The following CREB5 variants were observed in gnomAD, a reference collection of about 807,000 sequenced individuals.
CREB5 encodes cAMP responsive element binding protein 5, also known as cyclic AMP-responsive element-binding protein 5.
In CREB5, 19 loss-of-function variants were observed where a neutral mutation model predicts 57.1. The observed-to-expected ratio is 0.33, with a 90% CI of 0.23 to 0.49. The LOEUF is 0.49. Ranked by LOEUF, CREB5 falls within the 20% of genes least tolerant of loss-of-function variation. CREB5 has a pLI of 0.99. For missense variants in CREB5, 579 were observed against 671.6 expected (o/e 0.86, Z 1.52); for synonymous variants, 238 against 238.3 (o/e 1.00, Z 0.01).
At chr7:28,441,771 T>C (rs1243902616) in intron 1 of CREB5, among the ~76,000 whole-genome samples, 1 of 152,190 alleles carries the variant, frequency 6.6e-6, no homozygotes, top group African/African-American at 2.4e-5. Context: ...TTATAGTTTA[T>C]GGGTAGAAAA....
intron 6 of CREB5, 24 bp downstream of exon 6, chr7:28,718,903 A>G (rs117306745): frequency 1.2e-6 from 2 of 1,613,686 alleles, no homozygotes; most frequent in African/African-American, 2.7e-5. Flanking sequence ...TGTGTCTCAC[A>G]ATAGCTTGTC....
At chr7:28,424,307 G>C (rs898098296) in intron 1 of CREB5, among the ~76,000 whole-genome samples, 1 of 152,198 alleles carries the variant, frequency 6.6e-6, no homozygotes, top group East Asian at 1.9e-4. Context: ...CACTACAGCA[G>C]GTGTGTCCAG....
intron 1 of CREB5, among the ~76,000 whole-genome samples, chr7:28,427,811 T>C (rs1788567627): frequency 6.6e-6 from 1 of 152,116 alleles, no homozygotes; most frequent in Non-Finnish European, 1.5e-5. Context: ...TATAATATTA[T>C]ACAAAAGGAC....
At chr7:28,425,108 T>C (rs575915191) in intron 1 of CREB5, among the ~76,000 whole-genome samples, 1 of 152,252 alleles carries the variant, frequency 6.6e-6, no homozygotes, top group South Asian at 2.1e-4. Context: ...AAAGAAAATA[T>C]ACAAATGGCC....
At chr7:28,471,382 T>G (rs529757219) in intron 1 of CREB5, among the ~76,000 whole-genome samples, 19 of 152,312 alleles carry the variant, frequency 1.2e-4, no homozygotes, top group African/African-American at 4.6e-4. Flanking sequence ...GAGTTCACTG[T>G]ACATGTGTGG....
At chr7:28,775,170 G>A (rs573337879) in intron 7 of CREB5, among the ~76,000 whole-genome samples, 2 of 152,196 alleles carry the variant, frequency 1.3e-5, no homozygotes, top group African/African-American at 4.8e-5. Flanking sequence ...GGTCCCTAAT[G>A]CTAAAACCTT....
At chr7:28,477,369 T>C (rs906807323) in intron 1 of CREB5, among the ~76,000 whole-genome samples, 1 of 152,130 alleles carries the variant, frequency 6.6e-6, no homozygotes, top group Non-Finnish European at 1.5e-5. Context: ...CTTTTTTCTT[T>C]CCCTTTCAGA....
At chr7:28,760,113 A>T (rs1236007409) in intron 7 of CREB5, among the ~76,000 whole-genome samples, 1 of 152,244 alleles carries the variant, frequency 6.6e-6, no homozygotes, top group Non-Finnish European at 1.5e-5. Flanking sequence ...CATGTTTTGA[A>T]CAATAGAAAT....
chr7:28,352,993 T>C (rs1168567534), intron 1 of CREB5, among the ~76,000 whole-genome samples: 1 of 152,234 alleles, frequency 6.6e-6, no homozygotes, highest in Non-Finnish European at 1.5e-5. Flanking sequence ...CTGGAGTCAG[T>C]TGAAGTGAAA....
chr7:28,595,026 T>G (rs1191142982), intron 5 of CREB5, among the ~76,000 whole-genome samples: 2 of 152,174 alleles, frequency 1.3e-5, no homozygotes, highest in Admixed American at 1.3e-4. Flanking sequence ...TCATTGAATA[T>G]TTGTTGAGCC....
chr7:28,322,515 G>T (rs1785511198), intron 1 of CREB5, among the ~76,000 whole-genome samples: 1 of 152,062 alleles, frequency 6.6e-6, no homozygotes. Flanking sequence ...TGCCATGGTG[G>T]TTTGTTGCAC....
chr7:28,589,247 T>C (rs1244078175), intron 5 of CREB5, among the ~76,000 whole-genome samples: 1 of 152,158 alleles, frequency 6.6e-6, no homozygotes, highest in Non-Finnish European at 1.5e-5. Flanking sequence ...CTTCAGCATA[T>C]GTATCATTAA....
intron 7 of CREB5, among the ~76,000 whole-genome samples, chr7:28,735,230 C>T (rs1803907070): frequency 6.6e-6 from 1 of 152,034 alleles, no homozygotes; most frequent in Admixed American, 6.6e-5. Flanking sequence ...TATAGTTATA[C>T]AACTTATGTG....
At chr7:28,621,782 T>C (rs1485342959) in intron 5 of CREB5, among the ~76,000 whole-genome samples, 1 of 152,140 alleles carries the variant, frequency 6.6e-6, no homozygotes, top group Non-Finnish European at 1.5e-5. Context: ...GATGATGTCG[T>C]CATACCAAGC....
chr7:28,417,353 C>CT (rs11433698), intron 1 of CREB5, among the ~76,000 whole-genome samples: 38,629 of 144,922 alleles, frequency 0.27, 5,335 homozygotes, highest in Middle Eastern at 0.36. Context: ...CTTTCTCTCT[C>CT]TTTTTTTTTT....
intron 1 of CREB5, among the ~76,000 whole-genome samples, chr7:28,306,715 T>A (rs1212535701): frequency 6.6e-6 from 1 of 151,586 alleles, no homozygotes. Context: ...CGCCCGCCAC[T>A]ATGCCCGGCT....
chr7:28,690,109 A>G (rs189310798), intron 5 of CREB5, among the ~76,000 whole-genome samples: 36 of 152,284 alleles, frequency 2.4e-4, no homozygotes, highest in South Asian at 1.7e-3. Context: ...CTTGCCTGTC[A>G]GTGGAAGTCA....
intron 6 of CREB5, among the ~76,000 whole-genome samples, chr7:28,720,698 A>C (rs1802982427): frequency 6.6e-6 from 1 of 152,010 alleles, no homozygotes; most frequent in South Asian, 2.1e-4. Flanking sequence ...CTCTCCTTAG[A>C]CCCCTTTACA....
chr7:28,614,248 T>C (rs1230836231), intron 5 of CREB5, among the ~76,000 whole-genome samples: 2 of 152,222 alleles, frequency 1.3e-5, no homozygotes, highest in African/African-American at 4.8e-5. Flanking sequence ...TGTGAGCCAC[T>C]GTACCCAGGC....
Sources: allele counts gnomAD v4.1 joint callset (sites outside exome capture counted in the v4.1 genomes callset), GRCh38; gene constraint gnomAD v4.1.1; transcripts MANE v1.5; gene names NCBI Gene and HGNC (gene_info 2026-07-23, HGNC 2026-07-21).